The following TUBGCP3 variants were observed in gnomAD, a reference collection of about 807,000 sequenced individuals.
TUBGCP3 encodes gamma-tubulin complex component 3.
TUBGCP3 carries 50 observed loss-of-function variants against 123.1 expected under a neutral mutation model. The observed-to-expected ratio is 0.41, with a 90% CI of 0.32 to 0.51. TUBGCP3 has a LOEUF of 0.51. TUBGCP3 is among the 20% of genes least tolerant of loss of function. The pLI is 0.36. For missense variants in TUBGCP3, 882 were observed against 1,127.0 expected, an observed-to-expected ratio of 0.78 and a Z score of 3.11; for synonymous variants, 405 against 413.9, an observed-to-expected ratio of 0.98 and a Z score of 0.26.
intron 8 of TUBGCP3, among the ~76,000 whole-genome samples, chr13:112,551,246 G>A (rs1198311563): frequency 6.6e-6 from 1 of 152,264 alleles, no homozygotes; most frequent in East Asian, 1.9e-4. Flanking sequence ...GAGCGCGGCA[G>A]CGCCACACAC....
At chr13:112,560,280 A>C (rs1247462488) in intron 3 of TUBGCP3, among the ~76,000 whole-genome samples, 1 of 151,764 alleles carries the variant, frequency 6.6e-6, no homozygotes, top group African/African-American at 2.4e-5. Context: ...AATACAAAAA[A>C]TTAGCTGGGC....
chr13:112,524,729 G>A lies in TUBGCP3; in HGVS notation c.1555+2213C>T, dbSNP rs567539505. ...AGGGTGTCTCCCCTGGACCACACGGGAGCTCTTGCTACACCATCCTGCCTT... is the reference window on the plus strand; with the variant it reads ...AGGGTGTCTCCCCTGGACCACACGGAAGCTCTTGCTACACCATCCTGCCTT... On this transcript the variant is annotated intron_variant, in intron 13 of 21. Coordinates refer to ENST00000261965, the MANE Select transcript of TUBGCP3 (RefSeq NM_006322.6). The surrounding 1 kb of genome is among the most constrained non-coding windows in gnomAD (Gnocchi z 4.4). 2.6e-5 allele frequency among the ~76,000 whole-genome samples: 4 copies of A among 152,214 alleles called. No individual in the cohort carries two copies. The East Asian group carries it at 5.8e-4, about 22-fold the overall frequency.
chr13:112,495,972 AT>A (rs978969745), intron 20 of TUBGCP3, among the ~76,000 whole-genome samples: 5 of 152,144 alleles, frequency 3.3e-5, no homozygotes, highest in Admixed American at 2.6e-4. Context: ...AAGAAGAAAT[AT>A]TTTTTCCCTC....
At chr13:112,581,109 C>G (rs1882246850) in intron 1 of TUBGCP3, among the ~76,000 whole-genome samples, 1 of 152,158 alleles carries the variant, frequency 6.6e-6, no homozygotes, top group South Asian at 2.1e-4. Context: ...CCACATTGCA[C>G]TCCTGCTATT....
the TUBGCP3 span, chr13:112,604,184 A>G: frequency 2.0e-5 from 3 of 151,428 alleles, no homozygotes; most frequent in Admixed American, 2.0e-4. Flanking sequence ...CCAGATCTTT[A>G]GAGTCTTGTA....
chr13:112,590,832 C>T (rs983755010), upstream of TUBGCP3, among the ~76,000 whole-genome samples: 1 of 152,200 alleles, frequency 6.6e-6, no homozygotes, highest in Admixed American at 6.5e-5. Context: ...AGTTTTAAAA[C>T]TCCCTTGACT....
At chr13:112,598,705 G>T in the TUBGCP3 span, among the ~76,000 whole-genome samples, 1 of 152,132 alleles carries the variant, frequency 6.6e-6, no homozygotes, top group Non-Finnish European at 1.5e-5. Flanking sequence ...AGCACTTTGG[G>T]AGGCTGAGGT....
chr13:112,546,213 G>A (rs1054470641), intron 10 of TUBGCP3: 2 of 211,910 alleles, frequency 9.4e-6, no homozygotes, highest in Non-Finnish European at 9.7e-6. Flanking sequence ...TAAGATTCAC[G>A]CTTCATGGTG....
In TUBGCP3 at chr13:112,563,147, T is replaced by C. The variant is rs540129264; in HGVS notation, c.252+1964A>G. Among the ~76,000 whole-genome samples the C allele has an allele frequency of 3.9e-5, 6 of 152,338 alleles. No individual in the cohort carries two copies. The East Asian group carries it at 9.7e-4, about 25-fold the overall frequency. ...CTCTACTCCCGTCTCCACGTCAACC[T>C]GGACCCTCCTTCCACTCCGGACTCC... On this transcript the variant is annotated intron_variant, in intron 3 of 21. Transcript: ENST00000261965.
intron 11 of TUBGCP3, among the ~76,000 whole-genome samples, chr13:112,532,902 A>T (rs9324308): frequency 0.15 from 22,305 of 152,276 alleles, 2,258 homozygotes; most frequent in African/African-American, 0.29. Flanking sequence ...TTTATTGTTA[A>T]AAAGTAAAAT....
intron 17 of TUBGCP3, among the ~76,000 whole-genome samples, chr13:112,510,381 C>T (rs1881600210): frequency 6.6e-6 from 1 of 152,146 alleles, no homozygotes; most frequent in South Asian, 2.1e-4. Flanking sequence ...AAATCACCTC[C>T]TCAACCCGTA....
At chr13:112,568,869 T>C (rs1306343250) in intron 2 of TUBGCP3, among the ~76,000 whole-genome samples, 3 of 152,184 alleles carry the variant, frequency 2.0e-5, no homozygotes, top group Non-Finnish European at 4.4e-5. Context: ...CCAGGGATAA[T>C]CAGATAACCT....
chr13:112,497,830 C>T (rs1042173056), intron 20 of TUBGCP3, among the ~76,000 whole-genome samples: 1 of 152,160 alleles, frequency 6.6e-6, no homozygotes, highest in Non-Finnish European at 1.5e-5. Flanking sequence ...GAAAATATGG[C>T]ATTATAATTT....
chr13:112,505,175 C>T (rs574820736), intron 17 of TUBGCP3, among the ~76,000 whole-genome samples: 1 of 152,246 alleles, frequency 6.6e-6, no homozygotes, highest in East Asian at 1.9e-4. Flanking sequence ...AGAGGAGCCT[C>T]GAGGGAGGTC....
intron 20 of TUBGCP3, chr13:112,498,791 G>A (rs1880691689): frequency 1.9e-6 from 3 of 1,548,544 alleles, no homozygotes; most frequent in Non-Finnish European, 2.6e-6. Flanking sequence ...AATGAAAACG[G>A]GCAGGAGATT....
chr13:112,495,647 T>C lies in TUBGCP3; in HGVS notation c.2448+3398A>G, dbSNP rs578068084. Among the ~76,000 whole-genome samples, 21 of 152,338 alleles carry C rather than the reference T, an allele frequency of 1.4e-4. No individual in the cohort carries two copies. In the South Asian group the frequency reaches 4.1e-3, roughly 30 times the overall value. Reference sequence around the variant, plus strand: ...TTATCATGTTGATCTATCAGTGTGATAATACTGTGGATTTCCCAATCCACG... The same window carrying C: ...TTATCATGTTGATCTATCAGTGTGACAATACTGTGGATTTCCCAATCCACG... On this transcript the variant is annotated intron_variant, in intron 20 of 21. Transcript: ENST00000261965.
upstream of TUBGCP3, among the ~76,000 whole-genome samples, chr13:112,588,620 G>A (rs1469011968): frequency 6.6e-6 from 1 of 152,184 alleles, no homozygotes; most frequent in Non-Finnish European, 1.5e-5. Flanking sequence ...CCCGGCCCGG[G>A]TAACTGGGAC....
rs1879574870 is a variant in TUBGCP3 at position 112,485,202 on chromosome 13, T to C, written c.*791A>G. On this transcript the variant is annotated 3_prime_UTR_variant, in exon 22 of 22. Transcript: ENST00000261965. ...AATCTTCATTATCCATGTCGATTTC[T>C]TTCCAATGCTTATCAGGAACTTTGA... is the stretch of plus-strand genomic sequence containing the variant. The C allele has an allele frequency of 6.6e-6, 1 of 152,668 alleles. No homozygotes were observed. Among genetic ancestry groups the C allele is most frequent in the Non-Finnish European group, 1.5e-5 (1 of 68,052 alleles). The allele number at this position is 152,668 out of a possible 1,614,324, so 9.5% of individuals were successfully genotyped here.
chr13:112,497,167 G>A (rs1047486977), intron 20 of TUBGCP3, among the ~76,000 whole-genome samples: 2 of 152,104 alleles, frequency 1.3e-5, no homozygotes, highest in African/African-American at 2.4e-5. Flanking sequence ...ACTCTGTGAG[G>A]TCATATTCCT....
Sources: gnomAD v4.1 joint callset for allele counts (sites outside exome capture counted in the v4.1 genomes callset) on GRCh38, gnomAD v4.1.1 for gene constraint, Gnocchi (gnomAD v3.1) non-coding constraint, MANE v1.5 for transcripts, NCBI Gene and HGNC (gene_info 2026-07-23, HGNC 2026-07-21) for gene names.